GLIS3: variants seen among roughly 807,000 people sequenced by gnomAD.
The protein encoded by GLIS3 is GLIS family zinc finger 3.
Under a neutral mutation model 78.6 loss-of-function variants are expected in GLIS3, and 53 were observed. That is an observed-to-expected ratio of 0.67 (90% confidence interval 0.54 to 0.85). The LOEUF is 0.85. Among genes scored for constraint, GLIS3 ranks in the 40% least tolerant of loss-of-function variants. The pLI, the probability that GLIS3 is intolerant of heterozygous loss-of-function variation, is 0.00. For synonymous variants in GLIS3, 684 were observed against 509.9 expected, an observed-to-expected ratio of 1.34 and a Z score of -4.60; for missense variants, 1,703 against 1,231.1, an observed-to-expected ratio of 1.38 and a Z score of -5.74.
chr9:3,915,553 G>T (rs1195257210), intron 6 of GLIS3, among the ~76,000 whole-genome samples: 2 of 152,100 alleles, frequency 1.3e-5, no homozygotes, highest in Non-Finnish European at 2.9e-5. Context: ...TTTTCCAGAT[G>T]CCCTGTTATC....
chr9:3,966,190 C>A (rs571694828), intron 4 of GLIS3, among the ~76,000 whole-genome samples: 2 of 152,204 alleles, frequency 1.3e-5, no homozygotes, highest in South Asian at 2.1e-4. Flanking sequence ...CTGGCACATA[C>A]TGAATGCTCA....
At chr9:4,481,249 C>T in the GLIS3 span, among the ~76,000 whole-genome samples, 4 of 152,020 alleles carry the variant, frequency 2.6e-5, no homozygotes, top group Admixed American at 6.5e-5. Context: ...TTTGGGAGGC[C>T]GAGGCAGGCG....
At chr9:4,256,020 T>G (rs923457911) in intron 2 of GLIS3, among the ~76,000 whole-genome samples, 1 of 152,070 alleles carries the variant, frequency 6.6e-6, no homozygotes. Context: ...CTAAAACTGT[T>G]CTAAAAACTA....
At chr9:4,462,910 C>CTT in the GLIS3 span, among the ~76,000 whole-genome samples, 18 of 152,266 alleles carry the variant, frequency 1.2e-4, no homozygotes, top group East Asian at 3.3e-3. Context: ...AAATATTGCA[C>CTT]TTAAAGTGAT....
At chr9:4,350,627 A>AT (rs1817956955), upstream of GLIS3, among the ~76,000 whole-genome samples, 1 of 152,314 alleles carries the variant, frequency 6.6e-6, no homozygotes, top group African/African-American at 2.4e-5. Flanking sequence ...CTTCTTCCAG[A>AT]ATCCAAAATG....
At chr9:4,479,904 C>CTTTTTTTTTTTTTTTT in the GLIS3 span, among the ~76,000 whole-genome samples, 4 of 108,714 alleles carry the variant, frequency 3.7e-5, no homozygotes, top group African/African-American at 6.9e-5. Flanking sequence ...ATTTCTTCTT[C>CTTTTTTTTTTTTTTTT]TTTTTTTTTT....
chr9:3,945,335 CTA>C (rs1816220728), intron 4 of GLIS3, among the ~76,000 whole-genome samples: 1 of 152,132 alleles, frequency 6.6e-6, no homozygotes. Flanking sequence ...TTTTACTACT[CTA>C]TATTAAAGAA....
intron 2 of GLIS3, among the ~76,000 whole-genome samples, chr9:4,329,097 T>G (rs1347660637): frequency 6.6e-6 from 1 of 152,184 alleles, no homozygotes; most frequent in African/African-American, 2.4e-5. Flanking sequence ...GCCTAGACCT[T>G]TTTCAATCCA....
chr9:3,954,244 T>C lies in GLIS3; in HGVS notation c.1711-17055A>G, dbSNP rs112105021. ...AACTGAGGCACCAGGGAGAAATCTATGGTTTGTCACTTAACACAACTGTAG... is the reference window on the plus strand; with the variant it reads ...AACTGAGGCACCAGGGAGAAATCTACGGTTTGTCACTTAACACAACTGTAG... On this transcript the variant is annotated intron_variant, in intron 4 of 10. Coordinates refer to ENST00000381971, the MANE Select transcript of GLIS3 (RefSeq NM_001042413.2). Among the ~76,000 whole-genome samples, 291 of 152,354 alleles carry C rather than the reference T, an allele frequency of 1.9e-3. 1 individual carries two copies. Among genetic ancestry groups the C allele is most frequent in the African/African-American group, 6.9e-3 (286 of 41,590 alleles).
chr9:4,195,026 G>A (rs897709489), intron 2 of GLIS3, among the ~76,000 whole-genome samples: 1 of 152,214 alleles, frequency 6.6e-6, no homozygotes, highest in Admixed American at 6.5e-5. Context: ...AGCAGGGTAG[G>A]GGCCTCCACA....
intron 6 of GLIS3, among the ~76,000 whole-genome samples, chr9:3,927,007 T>C (rs528873384): frequency 4.0e-4 from 61 of 152,372 alleles, no homozygotes; most frequent in African/African-American, 1.4e-3. Flanking sequence ...CCCATCTCAC[T>C]TCAATAGGCC....
intron 2 of GLIS3, among the ~76,000 whole-genome samples, chr9:4,278,984 A>C (rs1388468446): frequency 6.6e-6 from 1 of 152,172 alleles, no homozygotes; most frequent in Admixed American, 6.5e-5. Flanking sequence ...GTGTGGAACA[A>C]GACAACTCAC....
intron 2 of GLIS3, among the ~76,000 whole-genome samples, chr9:4,212,010 G>C (rs929951638): frequency 5.9e-5 from 9 of 152,206 alleles, no homozygotes; most frequent in African/African-American, 2.2e-4. Context: ...GTTGCCTGGG[G>C]CTGGGAGTGG....
intron 1 of GLIS3, among the ~76,000 whole-genome samples, chr9:4,347,708 G>A (rs1042636248): frequency 1.4e-4 from 21 of 152,138 alleles, no homozygotes; most frequent in African/African-American, 3.9e-4. Flanking sequence ...CTTTTTGTTT[G>A]TTTGTTTTTG....
At chr9:3,889,978 T>A (rs1221156322) in intron 7 of GLIS3, among the ~76,000 whole-genome samples, 2 of 152,098 alleles carry the variant, frequency 1.3e-5, no homozygotes, top group Non-Finnish European at 2.9e-5. Context: ...AAATTTGAGG[T>A]AAGCAACAGT....
At chr9:4,268,643 T>G (rs1247976406) in intron 2 of GLIS3, among the ~76,000 whole-genome samples, 6 of 152,192 alleles carry the variant, frequency 3.9e-5, no homozygotes, top group Non-Finnish European at 7.3e-5. Flanking sequence ...CTGACTTCTG[T>G]TTTAAGAATC....
At position 3,909,712 on chromosome 9, in the gene GLIS3, ATG is replaced by A. The variant is rs1217852001; in HGVS notation, c.1984-10879_1984-10878del. ...AAAACTAATGATTATTTAGTAAGAAATGATGATTTATGGAAATTGTTCAAAGA... is the reference window on the plus strand; with the variant it reads ...AAAACTAATGATTATTTAGTAAGAAAATGATTTATGGAAATTGTTCAAAGA... On this transcript the variant is annotated intron_variant, in intron 6 of 10. Coordinates refer to ENST00000381971, the MANE Select transcript of GLIS3 (RefSeq NM_001042413.2). 2.6e-5 allele frequency among the ~76,000 whole-genome samples: 4 copies of A among 152,208 alleles called. 1 individual carries two copies. Among genetic ancestry groups the A allele is most frequent in the Non-Finnish European group, 4.4e-5 (3 of 68,036 alleles).
intron 4 of GLIS3, among the ~76,000 whole-genome samples, chr9:4,099,988 G>A (rs483774): frequency 0.26 from 39,830 of 152,058 alleles, 6,172 homozygotes; most frequent in African/African-American, 0.43. Context: ...TTCCCAGCCT[G>A]TAAACTGGAA....
At chr9:4,041,439 GCA>G (rs1824802775) in intron 4 of GLIS3, among the ~76,000 whole-genome samples, 1 of 152,098 alleles carries the variant, frequency 6.6e-6, no homozygotes, top group South Asian at 2.1e-4. Flanking sequence ...TTTAGTTTTT[GCA>G]CCTTAGACTT....
Sources: allele counts gnomAD v4.1 joint callset (sites outside exome capture counted in the v4.1 genomes callset), GRCh38; gene constraint gnomAD v4.1.1; transcripts MANE v1.5; gene names NCBI Gene and HGNC (gene_info 2026-07-23, HGNC 2026-07-21).